CTNND2: variants seen among roughly 807,000 people sequenced by gnomAD.
CTNND2 encodes the protein catenin delta-2.
CTNND2 carries 22 observed loss-of-function variants against 144.4 expected under a neutral mutation model. The ratio of observed to expected loss-of-function variants is 0.15; its 90% CI spans 0.11 to 0.22. The LOEUF is 0.22. Among genes scored for constraint, CTNND2 ranks in the 10% least tolerant of loss-of-function variants. The probability of loss-of-function intolerance (pLI) is 1.00; values close to 1 mark genes in which losing one functional copy is unlikely to be tolerated. For missense variants in CTNND2, 1,353 were observed against 1,618.8 expected, an observed-to-expected ratio of 0.84 and a Z score of 2.82; for synonymous variants, 751 against 695.6, an observed-to-expected ratio of 1.08 and a Z score of -1.25.
intron 3 of CTNND2, among the ~76,000 whole-genome samples, chr5:11,444,834 G>C (rs1764661922): frequency 6.6e-6 from 1 of 152,194 alleles, no homozygotes; most frequent in Non-Finnish European, 1.5e-5. Context: ...ATAAAGCCTT[G>C]AGCTGTGCTG....
chr5:11,568,104 C>T (rs181703052), intron 2 of CTNND2, among the ~76,000 whole-genome samples: 1 of 152,256 alleles, frequency 6.6e-6, no homozygotes, highest in African/African-American at 2.4e-5. Flanking sequence ...GTTCTCCCAG[C>T]TTGGCTGGTG....
chr5:11,730,008 T>C (rs1787249261), intron 2 of CTNND2, among the ~76,000 whole-genome samples: 1 of 144,806 alleles, frequency 6.9e-6, no homozygotes, highest in South Asian at 2.2e-4. Context: ...TGCCTAGTTT[T>C]GTATTCGTTT....
At chr5:11,768,836 C>T (rs1789749549) in intron 1 of CTNND2, among the ~76,000 whole-genome samples, 1 of 152,166 alleles carries the variant, frequency 6.6e-6, no homozygotes, top group Non-Finnish European at 1.5e-5. Flanking sequence ...ATCCCAGTTC[C>T]TTCTCCATCT....
At chr5:11,224,331 CAATAGTGCT>C (rs1740102659) in intron 10 of CTNND2, among the ~76,000 whole-genome samples, 1 of 152,144 alleles carries the variant, frequency 6.6e-6, no homozygotes, top group Non-Finnish European at 1.5e-5. Flanking sequence ...CCTCTGGCTG[CAATAGTGCT>C]CACTGTGGAT....
chr5:11,299,552 T>C (rs901579080), intron 9 of CTNND2, among the ~76,000 whole-genome samples: 3 of 152,106 alleles, frequency 2.0e-5, no homozygotes, highest in African/African-American at 7.2e-5. Context: ...CTGAGGGTGT[T>C]TCTATTCTAT....
intron 15 of CTNND2, among the ~76,000 whole-genome samples, chr5:11,084,989 A>G (rs1749982723): frequency 6.7e-6 from 1 of 149,868 alleles, no homozygotes; most frequent in Non-Finnish European, 1.5e-5. Context: ...CTTTCCCTCC[A>G]TCCTTCCAGA....
chr5:11,525,110 C>T (rs565375540), intron 3 of CTNND2, among the ~76,000 whole-genome samples: 1 of 152,332 alleles, frequency 6.6e-6, no homozygotes, highest in South Asian at 2.1e-4. Flanking sequence ...GCCAGCAACA[C>T]ATCTGCATTC....
chr5:11,396,587 C>T (rs918876580), intron 6 of CTNND2, among the ~76,000 whole-genome samples: 1 of 152,210 alleles, frequency 6.6e-6, no homozygotes, highest in Non-Finnish European at 1.5e-5. Context: ...CCTGATTACA[C>T]ATTTATAGTA....
chr5:11,073,252 C>T (rs1379915881), intron 16 of CTNND2, among the ~76,000 whole-genome samples: 1 of 152,194 alleles, frequency 6.6e-6, no homozygotes, highest in Non-Finnish European at 1.5e-5. Context: ...CATTATCCTG[C>T]AAACGTCTAT....
At chr5:11,854,880 G>A (rs1023815632) in intron 1 of CTNND2, among the ~76,000 whole-genome samples, 4 of 152,156 alleles carry the variant, frequency 2.6e-5, no homozygotes, top group Admixed American at 2.0e-4. Context: ...AACCAAATAT[G>A]ATGATGCCTG....
intron 14 of CTNND2, among the ~76,000 whole-genome samples, chr5:11,104,002 C>T (rs1389911304): frequency 1.3e-5 from 2 of 152,208 alleles, no homozygotes; most frequent in Non-Finnish European, 2.9e-5. Flanking sequence ...GCTCCTCTTT[C>T]CACCTGTCAC....
chr5:11,729,088 C>T (rs1000644257), intron 2 of CTNND2, among the ~76,000 whole-genome samples: 3 of 151,954 alleles, frequency 2.0e-5, no homozygotes, highest in Non-Finnish European at 4.4e-5. Flanking sequence ...AGATGCTGCA[C>T]GTGGGACCTA....
chr5:11,116,250 C>T (rs1223411658), intron 13 of CTNND2, among the ~76,000 whole-genome samples: 1 of 152,150 alleles, frequency 6.6e-6, no homozygotes, highest in Non-Finnish European at 1.5e-5. Context: ...CAATTTTGCT[C>T]CCTGCAGGAC....
intron 16 of CTNND2, among the ~76,000 whole-genome samples, chr5:11,047,152 T>G (rs574567705): frequency 2.0e-5 from 3 of 152,314 alleles, no homozygotes; most frequent in Middle Eastern, 6.8e-3. Context: ...GAGATGAGTG[T>G]GCACACAGGC....
At chr5:11,463,948 T>C (rs981024237) in intron 3 of CTNND2, among the ~76,000 whole-genome samples, 1 of 152,154 alleles carries the variant, frequency 6.6e-6, no homozygotes, top group Non-Finnish European at 1.5e-5. Flanking sequence ...GGTATAGAGA[T>C]AGCCAAAATA....
rs369363546 is a variant in CTNND2, at chr5:11,017,936, A to G, written c.3084+38T>C. On this transcript the variant is annotated intron_variant, in intron 18 of 21. Coordinates refer to ENST00000304623, the MANE Select transcript of CTNND2 (RefSeq NM_001332.4). ...TGACGCCTCTCAGGGTCCCGTGTTG[A>G]GTGTTTGGACTCAGGGCCCAGGTGA... is the stretch of plus-strand genomic sequence containing the variant. 52 of 1,527,744 alleles carry G rather than the reference A, an allele frequency of 3.4e-5. No individual in the cohort carries two copies. The African/African-American group carries it at 7.0e-4, about 21-fold the overall frequency. 94.6% of individuals were successfully genotyped at this position (1,527,744 alleles called of 1,614,324 possible).
intron 9 of CTNND2, among the ~76,000 whole-genome samples, chr5:11,238,408 T>C (rs889323947): frequency 1.4e-4 from 22 of 152,286 alleles, no homozygotes; most frequent in African/African-American, 5.1e-4. Context: ...TGCTGTCATC[T>C]GGGAAGAGAA....
intron 2 of CTNND2, among the ~76,000 whole-genome samples, chr5:11,707,107 G>GA (rs1239372289): frequency 1.3e-5 from 2 of 151,504 alleles, no homozygotes; most frequent in Non-Finnish European, 2.9e-5. Flanking sequence ...AAAAGAAAGT[G>GA]AAAATTAGGT....
intron 9 of CTNND2, among the ~76,000 whole-genome samples, chr5:11,283,533 G>T (rs1396169738): frequency 6.6e-6 from 1 of 151,824 alleles, no homozygotes; most frequent in African/African-American, 2.4e-5. Context: ...AATTAGCGGG[G>T]TGTGGTGGCA....
Sources: gnomAD v4.1 joint callset for allele counts (sites outside exome capture counted in the v4.1 genomes callset) on GRCh38, gnomAD v4.1.1 for gene constraint, MANE v1.5 for transcripts, NCBI Gene and HGNC (gene_info 2026-07-23, HGNC 2026-07-21) for gene names.